LMCD1: variants seen among roughly 807,000 people sequenced by gnomAD.
LMCD1 encodes LIM and cysteine-rich domains protein 1.
In LMCD1, 32 loss-of-function variants were observed where a neutral mutation model predicts 42.7. The observed-to-expected ratio is 0.75, with a 90% confidence interval of 0.57 to 1.01. The LOEUF is 1.01. Among genes scored for constraint, LMCD1 ranks in the 50% least tolerant of loss-of-function variants. The pLI, the probability that LMCD1 is intolerant of heterozygous loss-of-function variation, is 0.00. For synonymous variants in LMCD1, 178 were observed against 184.9 expected, an observed-to-expected ratio of 0.96 and a Z score of 0.30; for missense variants, 458 against 483.1, an observed-to-expected ratio of 0.95 and a Z score of 0.49.
chr3:8,540,870 T>C (rs1047704521), intron 3 of LMCD1, among the ~76,000 whole-genome samples: 2 of 152,184 alleles, frequency 1.3e-5, no homozygotes, highest in African/African-American at 4.8e-5. Context: ...GGGGTGGCAC[T>C]TACTCATACC....
chr3:8,565,455 G>C lies in LMCD1; in HGVS notation c.747G>C (p.Ala249=). The change falls in exon 5 of 6, where the codon GCG becomes GCC. Residue 249 remains alanine, a synonymous_variant. Coordinates refer to ENST00000157600, the MANE Select transcript of LMCD1 (RefSeq NM_014583.4). ...VEYVCELCKG[A]APPDSPVVYS... is the part of the protein sequence containing the mutation. The stretch of plus-strand genomic sequence containing the variant: ...AGGTCTGCGAGCTCTGCAAGGGAGC[G>C]GCCCCTCCTGACAGCCCCGTGGTCT... The C allele has an allele frequency of 1.2e-6, 2 of 1,614,100 alleles. No homozygotes were observed. Among genetic ancestry groups the C allele is most frequent in the Non-Finnish European group, 1.7e-6 (2 of 1,180,004 alleles).
At chr3:8,520,095 C>A (rs2125015761) in intron 1 of LMCD1, among the ~76,000 whole-genome samples, 1 of 152,276 alleles carries the variant, frequency 6.6e-6, no homozygotes, top group South Asian at 2.1e-4. Flanking sequence ...AAGATTCAGA[C>A]AGGCAAGATT....
In LMCD1 at chr3:8,538,086, C is replaced by T. The variant is rs191403534; in HGVS notation, c.387+646C>T. Among the ~76,000 whole-genome samples, 443 of 152,302 alleles carry T rather than the reference C, an allele frequency of 2.9e-3. 3 individuals are homozygous for T. Among genetic ancestry groups the T allele is most frequent in the Non-Finnish European group, 4.5e-3 (303 of 68,022 alleles). On this transcript the variant is annotated intron_variant, in intron 3 of 5. Transcript: ENST00000157600. The stretch of plus-strand genomic sequence containing the variant: ...CTGCAGAAGGTCTCCATACCCAGGT[C>T]TCATCCCAGACCATTGAGTCAGAAG...
In LMCD1 at chr3:8,556,416, A is replaced by ATG. The variant is rs3836467; in HGVS notation, c.723+7525_723+7526dup. Among the ~76,000 whole-genome samples the ATG allele has an allele frequency of 4.7e-5, 7 of 150,434 alleles. No individual in the cohort carries two copies. In the East Asian group the frequency reaches 1.2e-3, roughly 25 times the overall value. On this transcript the variant is annotated intron_variant, in intron 4 of 5. Coordinates refer to ENST00000157600, the MANE Select transcript of LMCD1 (RefSeq NM_014583.4). The stretch of plus-strand genomic sequence containing the variant: ...TTTTTTTTCAGGAGTGTGTGTGTGT[A>ATG]TGTGTGTGTGTGTTGGATCAGGACG...
chr3:8,529,861 A>G (rs995951075), intron 1 of LMCD1, among the ~76,000 whole-genome samples: 1 of 152,212 alleles, frequency 6.6e-6, no homozygotes, highest in African/African-American at 2.4e-5. Context: ...ACAACAAAGA[A>G]CGCTCAGTGC....
chr3:8,526,684 G>A lies in LMCD1; in HGVS notation c.43-6053G>A, dbSNP rs1274874116. On this transcript the variant is annotated intron_variant, in intron 1 of 5. Coordinates refer to ENST00000157600, the MANE Select transcript of LMCD1 (RefSeq NM_014583.4). ...GAGAATTTGCAGTGCTCACAAGTTC[G>A]CTGCTGCTGTGCTGCTGCTTAGAGA... 5.3e-5 allele frequency among the ~76,000 whole-genome samples: 8 copies of A among 152,316 alleles called. No individual in the cohort carries two copies. The East Asian group carries it at 9.6e-4, about 18-fold the overall frequency.
chr3:8,549,020 C>T lies in LMCD1; in HGVS notation c.723+117C>T, dbSNP rs529409244. ...TCATGCATTTATTCATGAATTTGTG[C>T]ATTCAGCAGATATTGATTGCTCATT... On this transcript the variant is annotated intron_variant, in intron 4 of 5. Transcript: ENST00000157600. 9 of 751,512 alleles carry T rather than the reference C, an allele frequency of 1.2e-5. No individual in the cohort carries two copies. In the Admixed American group the frequency reaches 1.7e-4, roughly 14 times the overall value. The allele number at this position is 751,512 out of a possible 1,614,324, so 46.6% of individuals were successfully genotyped here.
At chr3:8,531,993 G>T (rs1416033338) in intron 1 of LMCD1, among the ~76,000 whole-genome samples, 1 of 152,122 alleles carries the variant, frequency 6.6e-6, no homozygotes, top group African/African-American at 2.4e-5. Context: ...GATCTCCTGG[G>T]AATTTTGTTA....
intron 1 of LMCD1, among the ~76,000 whole-genome samples, chr3:8,506,499 A>T (rs529213191): frequency 1.3e-5 from 2 of 152,260 alleles, no homozygotes; most frequent in Non-Finnish European, 2.9e-5. Context: ...TCCCAAGAGG[A>T]AAAGGTAAAG....
chr3:8,565,482 C>A lies in LMCD1; in HGVS notation c.774C>A (p.Tyr258Ter), dbSNP rs1390806101. ...GAAPPDSPVV[Y>*]SDRAGYNKQW... ...CCCCTCCTGACAGCCCCGTGGTCTA[C>A]TCGGACAGGGCAGGCTACAACAAGC... The change falls in exon 5 of 6, where the codon TAC (tyrosine) becomes TAA (stop). Residue 258 changes from tyrosine to a stop codon, truncating the protein, a stop_gained. Coordinates refer to ENST00000157600, the MANE Select transcript of LMCD1 (RefSeq NM_014583.4). LOFTEE classifies it high-confidence loss of function. 1 of 1,614,234 alleles carries A rather than the reference C, an allele frequency of 6.2e-7. No homozygotes were observed. Among genetic ancestry groups the A allele is most frequent in the Non-Finnish European group, 8.5e-7 (1 of 1,180,042 alleles).
intron 4 of LMCD1, among the ~76,000 whole-genome samples, chr3:8,559,269 T>C (rs1291462085): frequency 6.6e-6 from 1 of 152,194 alleles, no homozygotes. Flanking sequence ...GCCTTCAACA[T>C]ATCTTTGTCA....
Position 8,548,813 on chromosome 3 carries a change from G to A in LMCD1, c.633G>A (p.Glu211=). 1 of 1,605,890 alleles carries A rather than the reference G, an allele frequency of 6.2e-7. No individual in the cohort carries two copies. Among genetic ancestry groups the A allele is most frequent in the East Asian group, 2.2e-5 (1 of 44,648 alleles). ...GGCAGGGTGGCTTGCCCAAGGAGGA[G>A]GGGAAGCAGCAGGAAAAGCCAGAGG... ...LPGQGGLPKE[E]GKQQEKPEGA... The change falls in exon 4 of 6, where the codon GAG becomes GAA. Residue 211 remains glutamate (E), a synonymous_variant. Transcript: ENST00000157600.
intron 4 of LMCD1, among the ~76,000 whole-genome samples, chr3:8,559,432 A>T (rs955424942): frequency 6.6e-6 from 1 of 152,244 alleles, no homozygotes; most frequent in African/African-American, 2.4e-5. Flanking sequence ...CCACAATCCT[A>T]TGAGGTTGCT....
At chr3:8,539,912 G>T (rs1389647426) in intron 3 of LMCD1, among the ~76,000 whole-genome samples, 3 of 151,476 alleles carry the variant, frequency 2.0e-5, no homozygotes, top group African/African-American at 4.9e-5. Context: ...CCATGTTGGC[G>T]TGCTGCACCC....
chr3:8,508,294 T>C (rs1693922804), intron 1 of LMCD1, among the ~76,000 whole-genome samples: 1 of 152,140 alleles, frequency 6.6e-6, no homozygotes, highest in Non-Finnish European at 1.5e-5. Flanking sequence ...TACCCAATAA[T>C]ATATAAATCA....
chr3:8,503,448 C>T (rs928374959), intron 1 of LMCD1, among the ~76,000 whole-genome samples: 1 of 152,166 alleles, frequency 6.6e-6, no homozygotes, highest in African/African-American at 2.4e-5. Flanking sequence ...AAGTCATTTC[C>T]CCTCCTACAG....
intron 4 of LMCD1, chr3:8,549,804 G>C (rs957765245): frequency 1.1e-5 from 8 of 702,902 alleles, no homozygotes; most frequent in Non-Finnish European, 2.1e-5. Flanking sequence ...GCAGAGTCCT[G>C]AGGTGGCTCA....
chr3:8,506,566 A>G (rs1000950388), intron 1 of LMCD1, among the ~76,000 whole-genome samples: 3 of 152,214 alleles, frequency 2.0e-5, no homozygotes, highest in East Asian at 1.9e-4. Context: ...ACAGGGCTCC[A>G]GGAGAAGTAT....
intron 4 of LMCD1, among the ~76,000 whole-genome samples, chr3:8,558,532 T>C (rs559557254): frequency 7.9e-5 from 12 of 152,332 alleles, no homozygotes; most frequent in African/African-American, 2.6e-4. Flanking sequence ...ATGACAAATG[T>C]TGGAAACGTT....
Sources: gnomAD v4.1 joint callset for allele counts (sites outside exome capture counted in the v4.1 genomes callset) on GRCh38, gnomAD v4.1.1 for gene constraint, MANE v1.5 for transcripts, NCBI Gene and HGNC (gene_info 2026-07-23, HGNC 2026-07-21) for gene names.